Variants in TMEM117 observed in about 807,000 individuals in gnomAD.
The protein encoded by TMEM117 is transmembrane protein 117.
In TMEM117, 27 loss-of-function variants were observed where a neutral mutation model predicts 52.4. The ratio of observed to expected loss-of-function variants is 0.51; its 90% CI spans 0.38 to 0.71. The LOEUF is 0.71. Ranked by LOEUF, TMEM117 falls within the 30% of genes least tolerant of loss-of-function variation. The pLI is 0.00. For missense variants in TMEM117, 556 were observed against 630.5 expected (o/e 0.88, Z 1.26); for synonymous variants, 215 against 206.3 (o/e 1.04, Z -0.36).
At chr12:44,054,563 T>C (rs1448653139) in intron 3 of TMEM117, among the ~76,000 whole-genome samples, 1 of 152,180 alleles carries the variant, frequency 6.6e-6, no homozygotes, top group East Asian at 1.9e-4. Flanking sequence ...TTTGAAAACT[T>C]TGGATTTTTT....
At chr12:43,913,434 G>A (rs955191784) in intron 2 of TMEM117, among the ~76,000 whole-genome samples, 1 of 152,096 alleles carries the variant, frequency 6.6e-6, no homozygotes, top group Admixed American at 6.6e-5. Flanking sequence ...TTTGTATTAA[G>A]TATCTGTCCC....
intron 3 of TMEM117, among the ~76,000 whole-genome samples, chr12:43,999,620 G>A (rs1414335414): frequency 6.6e-6 from 1 of 152,050 alleles, no homozygotes; most frequent in African/African-American, 2.4e-5. Context: ...TGGGACTACA[G>A]GCACACGCCA....
chr12:43,802,199 T>G, the TMEM117 span: 1 of 856,672 alleles, frequency 1.2e-6, no homozygotes, highest in Non-Finnish European at 1.7e-6. Flanking sequence ...GAAATAATTA[T>G]TGTTTTTTAA....
intron 2 of TMEM117, among the ~76,000 whole-genome samples, chr12:43,897,694 G>T (rs1198782777): frequency 1.3e-5 from 2 of 151,990 alleles, no homozygotes; most frequent in East Asian, 3.9e-4. Flanking sequence ...TGTTGCCTCT[G>T]CCTCCTGGGT....
At chr12:44,337,258 G>A (rs1224425826) in intron 6 of TMEM117, among the ~76,000 whole-genome samples, 4 of 151,996 alleles carry the variant, frequency 2.6e-5, no homozygotes, top group African/African-American at 9.7e-5. Flanking sequence ...GTATCTTCCA[G>A]AGAGCAAGAA....
At chr12:43,852,407 G>C (rs138541393) in intron 2 of TMEM117, among the ~76,000 whole-genome samples, 3,381 of 149,360 alleles carry the variant, frequency 0.023, 78 homozygotes, top group East Asian at 0.07. Context: ...CTCCAACCTG[G>C]GCGACAGTGC....
rs115735500 is a variant in TMEM117, at chr12:44,292,533, T to C, written c.609-7047T>C. On this transcript the variant is annotated intron_variant, in intron 5 of 7. Coordinates refer to ENST00000266534, the MANE Select transcript of TMEM117 (RefSeq NM_032256.3). ...AGTTTGTTCTTCTTTTCCTAGTTCC[T>C]TGAGGTATAAAATTTAGCGTTTTAT... Among the ~76,000 whole-genome samples, 839 of 152,146 alleles carry C rather than the reference T, an allele frequency of 5.5e-3. 12 individuals carry two copies. Among genetic ancestry groups the C allele is most frequent in the African/African-American group, 0.019 (808 of 41,560 alleles).
the TMEM117 span, among the ~76,000 whole-genome samples, chr12:44,396,289 C>G: frequency 1.2e-4 from 18 of 152,178 alleles, no homozygotes; most frequent in African/African-American, 1.7e-4. Flanking sequence ...AATATCATCT[C>G]TTTTATTAAG....
chr12:43,960,842 A>G (rs1218444368), intron 3 of TMEM117, among the ~76,000 whole-genome samples: 1 of 152,188 alleles, frequency 6.6e-6, no homozygotes, highest in Non-Finnish European at 1.5e-5. Context: ...AATGATATTA[A>G]TAGTGATATT....
chr12:43,883,207 ATAAGCCCTAT>A (rs1316644626), intron 2 of TMEM117, among the ~76,000 whole-genome samples: 3 of 152,224 alleles, frequency 2.0e-5, no homozygotes, highest in Non-Finnish European at 4.4e-5. Context: ...GGTATAATAA[ATAAGCCCTAT>A]TACATTTTCT....
chr12:44,305,072 G>T (rs539001838), intron 6 of TMEM117, among the ~76,000 whole-genome samples: 1 of 152,330 alleles, frequency 6.6e-6, no homozygotes, highest in South Asian at 2.1e-4. Flanking sequence ...TCCTGGGCCA[G>T]AGGGGAGCCC....
At chr12:43,855,976 T>C (rs11182301) in intron 2 of TMEM117, among the ~76,000 whole-genome samples, 5,767 of 152,258 alleles carry the variant, frequency 0.038, 274 homozygotes, top group African/African-American at 0.1. Flanking sequence ...TTTAATACAA[T>C]GATATGGGTA....
the TMEM117 span, among the ~76,000 whole-genome samples, chr12:43,814,192 A>G: frequency 6.6e-6 from 1 of 152,186 alleles, no homozygotes; most frequent in Non-Finnish European, 1.5e-5. Context: ...AGTACACATC[A>G]GAGAAGCAGT....
chr12:44,388,622 A>G lies in TMEM117; in HGVS notation c.1495A>G (p.Thr499Ala), dbSNP rs1259467539. 3.1e-6 allele frequency: 5 copies of G among 1,613,482 alleles called. No homozygotes were observed. The highest frequency in any genetic ancestry group is 4.2e-6 in the Non-Finnish European group (5 of 1,179,546). The stretch of plus-strand genomic sequence containing the variant: ...ACAGTTGAACGAATCTACTAGTGCA[A>G]CAGAAGCTGATCAAGACCCAACGAC... The part of the protein sequence containing the change: ...SSQLNESTSA[T>A]EADQDPTTSK... The change falls in exon 8 of 8, where the codon ACA (threonine) becomes GCA (alanine). Residue 499 changes from threonine to alanine, a missense_variant. This residue lies in a region of TMEM117 where 206 missense variants were observed against 211.1 expected (regional missense o/e 0.98). Coordinates refer to ENST00000266534, the MANE Select transcript of TMEM117 (RefSeq NM_032256.3).
intron 4 of TMEM117, among the ~76,000 whole-genome samples, chr12:44,165,540 T>C (rs527470501): frequency 6.6e-6 from 1 of 152,136 alleles, no homozygotes; most frequent in East Asian, 1.9e-4. Context: ...AAAAAGATAC[T>C]CCACACAAAT....
At chr12:44,100,996 C>T (rs777143410) in intron 3 of TMEM117, among the ~76,000 whole-genome samples, 1 of 151,930 alleles carries the variant, frequency 6.6e-6, no homozygotes, top group Non-Finnish European at 1.5e-5. Context: ...GATTAAGGTA[C>T]CTGCAGATTC....
chr12:44,371,057 T>C (rs935279195), intron 6 of TMEM117, among the ~76,000 whole-genome samples: 2 of 152,172 alleles, frequency 1.3e-5, no homozygotes, highest in Non-Finnish European at 2.9e-5. Context: ...AGAAGTACAG[T>C]GTTGCTGAAA....
At chr12:44,170,096 A>G (rs1018909478) in intron 4 of TMEM117, among the ~76,000 whole-genome samples, 2 of 152,226 alleles carry the variant, frequency 1.3e-5, no homozygotes, top group Admixed American at 6.5e-5. Flanking sequence ...CATATACACC[A>G]TAGAATACTA....
intron 3 of TMEM117, among the ~76,000 whole-genome samples, chr12:44,047,180 C>T (rs995307111): frequency 2.0e-5 from 3 of 152,114 alleles, no homozygotes; most frequent in Admixed American, 1.3e-4. Context: ...ATTGCCCCGA[C>T]TAATATAGTT....
Sources: allele counts gnomAD v4.1 joint callset (sites outside exome capture counted in the v4.1 genomes callset), GRCh38; gene constraint gnomAD v4.1.1; regional missense constraint gnomAD v4.1.1; transcripts MANE v1.5; gene names NCBI Gene and HGNC (gene_info 2026-07-23, HGNC 2026-07-21).